TNIP1: variants seen among roughly 807,000 people sequenced by gnomAD.
TNIP1 encodes TNFAIP3 interacting protein 1.
Under a neutral mutation model 86.6 loss-of-function variants are expected in TNIP1, and 22 were observed. The ratio of observed to expected loss-of-function variants is 0.25; its 90% CI spans 0.18 to 0.36. TNIP1 has a LOEUF of 0.36. TNIP1 is among the 10% of genes least tolerant of loss of function. TNIP1 has a pLI of 1.00. For synonymous variants in TNIP1, 294 were observed against 313.0 expected (o/e 0.94, Z 0.64); for missense variants, 709 against 820.6 (o/e 0.86, Z 1.66).
intron 4 of TNIP1, 51 bp from the exon 5 acceptor site, chr5:151,060,446 TC>T (rs778254038): frequency 9.6e-6 from 15 of 1,569,540 alleles, no homozygotes; most frequent in Non-Finnish European, 1.1e-5. Context: ...AGCTCACCCC[TC>T]CTCTGCGGCC....
intron 7 of TNIP1, among the ~76,000 whole-genome samples, chr5:151,050,303 C>T (rs1049153147): frequency 2.6e-5 from 4 of 152,092 alleles, no homozygotes; most frequent in East Asian, 3.9e-4. Flanking sequence ...GGAGACGGTG[C>T]GAGCTTGGTG....
At chr5:151,033,174 G>A in intron 16 of TNIP1, among the ~76,000 whole-genome samples, 3 of 129,020 alleles carry the variant, frequency 2.3e-5, no homozygotes, top group African/African-American at 5.7e-5. Flanking sequence ...AGAGAGGAGA[G>A]AAGAAGAGGA....
At chr5:151,059,361 G>C (rs1230595436) in intron 5 of TNIP1, among the ~76,000 whole-genome samples, 1 of 152,226 alleles carries the variant, frequency 6.6e-6, no homozygotes, top group Admixed American at 6.5e-5. Context: ...AGAGCTGCCT[G>C]AGGCAGTGGT....
Position 151,060,339 on chromosome 5 carries a change from G to A in TNIP1, c.414C>T (p.Ser138=). The A allele has an allele frequency of 6.2e-7, 1 of 1,614,168 alleles. No homozygotes were observed. Residue 138 remains serine (S), a synonymous_variant, in exon 5 of 18, where the codon AGC becomes AGT. Coordinates refer to ENST00000521591, the MANE Select transcript of TNIP1 (RefSeq NM_006058.5). Reference sequence around the variant, plus strand: ...TCACCATCGCATTGGCATGGCTGCTGCTCTCTGGTGAATTCTGCTCCTCAG... The same window carrying A: ...TCACCATCGCATTGGCATGGCTGCTACTCTCTGGTGAATTCTGCTCCTCAG... ...VTPEEQNSPE[S]SSHANAMALG...
chr5:151,063,579 G>C, intron 3 of TNIP1, 34 bp downstream of exon 3: 1 of 1,609,846 alleles, frequency 6.2e-7, no homozygotes, highest in Non-Finnish European at 8.5e-7. Flanking sequence ...TTGGGGTACA[G>C]GGAGAGTCAG....
chr5:151,032,000 A>G, intron 17 of TNIP1: 1 of 321,882 alleles, frequency 3.1e-6, no homozygotes, highest in Admixed American at 5.1e-5. Context: ...TGCCTCCCTC[A>G]TTAGACATTA....
chr5:151,063,268 T>C (rs4958436), intron 3 of TNIP1, among the ~76,000 whole-genome samples: 43,231 of 151,944 alleles, frequency 0.28, 6,891 homozygotes, highest in East Asian at 0.52. Context: ...CTGCTTGGAG[T>C]GCGATGCCTG....
intron 1 of TNIP1, chr5:151,078,493 T>C (rs1763641379): frequency 6.6e-6 from 1 of 152,192 alleles, no homozygotes. Context: ...AATAACAATT[T>C]GCCAGACACT....
intron 17 of TNIP1, 57 bp from the exon 18 acceptor site, chr5:151,030,804 G>A (rs749522072): frequency 2.0e-4 from 281 of 1,429,566 alleles, no homozygotes; most frequent in Non-Finnish European, 2.6e-4. Context: ...GAGTTTCAAA[G>A]TCTCTTATGG....
At chr5:151,032,011 C>A (rs376378841) in intron 17 of TNIP1, 2 of 369,362 alleles carry the variant, frequency 5.4e-6, no homozygotes, top group African/African-American at 4.2e-5. Flanking sequence ...TTAGACATTA[C>A]GCTGTATAAG....
chr5:151,039,273 G>A, intron 11 of TNIP1, 48 bp from the exon 12 acceptor site: 1 of 1,577,362 alleles, frequency 6.3e-7, no homozygotes, highest in Non-Finnish European at 8.6e-7. Flanking sequence ...GCCTCTCCAG[G>A]AGGCCTCGGA....
chr5:151,041,697 T>C (rs190212294), intron 11 of TNIP1, among the ~76,000 whole-genome samples: 33 of 152,352 alleles, frequency 2.2e-4, no homozygotes, highest in Middle Eastern at 3.4e-3. Context: ...ACTTTTACTT[T>C]ATTTGCTTCT....
At chr5:151,058,339 T>C (rs1376136203) in intron 5 of TNIP1, among the ~76,000 whole-genome samples, 2 of 152,206 alleles carry the variant, frequency 1.3e-5, no homozygotes, top group African/African-American at 4.8e-5. Context: ...ACTAGTACAG[T>C]ATGTAAGAAA....
Position 151,035,024 on chromosome 5 carries a change from C to CT in TNIP1, c.1564dup (p.Arg522LysfsTer110). 6.2e-7 allele frequency: 1 copy of CT among 1,614,160 alleles called. No homozygotes were observed. Among genetic ancestry groups the CT allele is most frequent in the Non-Finnish European group, 8.5e-7 (1 of 1,180,006 alleles). On this transcript the variant is annotated frameshift_variant, in exon 15 of 18. Coordinates refer to ENST00000521591, the MANE Select transcript of TNIP1 (RefSeq NM_006058.5). LOFTEE classifies it high-confidence loss of function. Reference sequence around the variant, plus strand: ...CACCTTTGCTTTCCTCTTCTGCTGTCTGAGGGCTTCTCTTGCCTTCTCCTC... The same window carrying CT: ...CACCTTTGCTTTCCTCTTCTGCTGTCTTGAGGGCTTCTCTTGCCTTCTCCTC...
At chr5:151,083,463 A>G (rs2113864744), upstream of TNIP1, among the ~76,000 whole-genome samples, 1 of 152,268 alleles carries the variant, frequency 6.6e-6, no homozygotes, top group East Asian at 1.9e-4. Context: ...GGAATGGGAG[A>G]CAGGCCCCCT....
chr5:151,050,073 C>A, intron 7 of TNIP1, 126 bp from the exon 8 acceptor site: 1 of 1,479,744 alleles, frequency 6.8e-7, no homozygotes, highest in Non-Finnish European at 9.0e-7. Flanking sequence ...GATCCTGAAA[C>A]CTGCCCTCCT....
chr5:151,030,876 G>A (rs1756797089), intron 17 of TNIP1, 129 bp from the exon 18 acceptor site: 2 of 703,310 alleles, frequency 2.8e-6, no homozygotes, highest in Admixed American at 2.9e-5. Context: ...AAGTGCCAGG[G>A]CTAAGTACCT....
chr5:151,084,932 A>G (rs1196828831), upstream of TNIP1, among the ~76,000 whole-genome samples: 18 of 152,212 alleles, frequency 1.2e-4, no homozygotes, highest in Admixed American at 1.2e-3. Context: ...TGTTCTAGGC[A>G]ATTGTGGCAG....
chr5:151,063,806 C>A (rs1761892279), intron 2 of TNIP1, 59 bp from the exon 3 acceptor site: 6 of 1,587,500 alleles, frequency 3.8e-6, no homozygotes, highest in African/African-American at 1.3e-5. Context: ...TGCTGCTTCT[C>A]CCCGTCCCAG....
Sources: allele counts gnomAD v4.1 joint callset (sites outside exome capture counted in the v4.1 genomes callset), GRCh38; gene constraint gnomAD v4.1.1; transcripts MANE v1.5; gene names NCBI Gene and HGNC (gene_info 2026-07-23, HGNC 2026-07-21).